The following KALRN variants were observed in gnomAD, a reference collection of about 807,000 sequenced individuals.
KALRN encodes kalirin.
Under a neutral mutation model 353.7 loss-of-function variants are expected in KALRN, and 70 were observed. The ratio of observed to expected loss-of-function variants is 0.20; its 90% CI spans 0.16 to 0.24. The LOEUF (loss-of-function observed/expected upper bound fraction) is 0.24, where lower values mean the gene tolerates loss of function less well. KALRN is among the 10% of genes least tolerant of loss of function. The pLI, the probability that KALRN is intolerant of heterozygous loss-of-function variation, is 1.00. For missense variants in KALRN, 2,791 were observed against 3,756.7 expected (o/e 0.74, Z 6.72); for synonymous variants, 1,391 against 1,434.8 (o/e 0.97, Z 0.69).
chr3:124,327,031 C>T (rs1281888758), intron 7 of KALRN, among the ~76,000 whole-genome samples: 2 of 152,118 alleles, frequency 1.3e-5, no homozygotes, highest in Non-Finnish European at 2.9e-5. Flanking sequence ...TTCCCAACTC[C>T]ATGTTGGTGA....
chr3:124,688,100 C>A (rs2061643888), intron 51 of KALRN, among the ~76,000 whole-genome samples: 1 of 152,028 alleles, frequency 6.6e-6, no homozygotes, highest in Non-Finnish European at 1.5e-5. Context: ...TTACTTGAGG[C>A]CCAGAGTTCA....
Position 124,632,460 on chromosome 3 carries a change from C to T in KALRN, c.5223C>T (p.Ser1741=), listed in dbSNP as rs552013627. ...CCTCAAGCGAGAATGGAGGCAAGTC[C>T]GAGTCCGTGGCCAACCTGCAGGCCC... ...SHSSSENGGK[S]ESVANLQAQP... Residue 1741 remains serine, a synonymous_variant, in exon 35 of 60, where the codon TCC becomes TCT. Transcript: ENST00000682506. 87 of 1,613,858 alleles carry T rather than the reference C, an allele frequency of 5.4e-5. No homozygotes were observed. The highest frequency in any genetic ancestry group is 2.5e-4 in the South Asian group (23 of 91,074).
rs149110687 is a variant in KALRN at position 124,714,594 on chromosome 3, T to C, written c.8276+1459T>C. ...GGGATTAAGTTAGATGAACAGTGGG[T>C]TGAACTAGTTTAGCAAACGTTTACT... is the stretch of plus-strand genomic sequence containing the variant. On this transcript the variant is annotated intron_variant, in intron 58 of 59. Transcript: ENST00000682506. Among the ~76,000 whole-genome samples the C allele has an allele frequency of 1.9e-3, 283 of 152,274 alleles. 3 individuals carry two copies. The highest frequency in any genetic ancestry group is 6.8e-3 in the African/African-American group (282 of 41,548).
At chr3:124,286,085 T>TTCTTTCTTTCTTTC (rs2075822305) in intron 5 of KALRN, among the ~76,000 whole-genome samples, 1 of 121,928 alleles carries the variant, frequency 8.2e-6, no homozygotes, top group African/African-American at 3.4e-5. Flanking sequence ...TTTCCTTCCT[T>TTCTTTCTTTCTTTC]TCTTTCTTTC....
chr3:124,628,503 TTCCCTTCCTTCCCTTCCTTTCC>T (rs1454089706), intron 34 of KALRN, among the ~76,000 whole-genome samples: 3 of 53,608 alleles, frequency 5.6e-5, no homozygotes, highest in East Asian at 1.9e-3. Flanking sequence ...CTTCCCTTCC[TTCCCTTCCTTCCCTTCCTTTCC>T]TTCCTTCCTT....
intron 14 of KALRN, among the ~76,000 whole-genome samples, chr3:124,418,307 A>G (rs1265507961): frequency 2.6e-5 from 4 of 152,200 alleles, no homozygotes; most frequent in Admixed American, 6.5e-5. Context: ...TAAAAATACC[A>G]ATGTCTGGGC....
intron 1 of KALRN, among the ~76,000 whole-genome samples, chr3:124,218,342 G>T (rs1346689969): frequency 6.6e-6 from 1 of 152,192 alleles, no homozygotes; most frequent in African/African-American, 2.4e-5. Context: ...GTCCCAAGGA[G>T]CAAAGCTTTT....
chr3:124,310,829 C>A (rs1300262107), intron 6 of KALRN, among the ~76,000 whole-genome samples: 4 of 151,970 alleles, frequency 2.6e-5, no homozygotes, highest in Non-Finnish European at 5.9e-5. Context: ...AAAAGAAAAA[C>A]CACAAAATGG....
At chr3:124,566,201 C>T (rs7633134) in intron 34 of KALRN, among the ~76,000 whole-genome samples, 56,918 of 152,028 alleles carry the variant, frequency 0.37, 11,277 homozygotes, top group African/African-American at 0.51. Context: ...CGACTCCCAA[C>T]AGTCAAGGAC....
rs1707585019 is a variant in KALRN at position 124,722,635 on chromosome 3, T to C, written c.*3165T>C. ...TCCTGGGGAATGTACTTTAGGTTGC[T>C]CTGAGGGCAACCGTGCTTAGGGAAA... On this transcript the variant is annotated 3_prime_UTR_variant, in exon 60 of 60. Coordinates refer to ENST00000682506, the MANE Select transcript of KALRN (RefSeq NM_001388419.1). The C allele has an allele frequency of 6.6e-6, 1 of 152,184 alleles. No homozygotes were observed. Among genetic ancestry groups the C allele is most frequent in the South Asian group, 2.1e-4 (1 of 4,826 alleles). The allele number at this position is 152,184 out of a possible 1,614,324, so 9.4% of individuals were successfully genotyped here. A position where few individuals can be genotyped will look rare whatever the true frequency, so the allele number is the denominator to read the frequency against.
At chr3:124,202,623 C>G (rs1190306982) in intron 1 of KALRN, among the ~76,000 whole-genome samples, 1 of 152,098 alleles carries the variant, frequency 6.6e-6, no homozygotes, top group African/African-American at 2.4e-5. Flanking sequence ...TCCTCCTGGT[C>G]TCTTTTCCTT....
chr3:124,351,976 A>T (rs2082877522), intron 10 of KALRN, among the ~76,000 whole-genome samples: 1 of 152,194 alleles, frequency 6.6e-6, no homozygotes, highest in Non-Finnish European at 1.5e-5. Flanking sequence ...ATTCAGAGTG[A>T]AGGCCCAGGA....
At chr3:124,447,598 G>A (rs1169131101) in intron 21 of KALRN, among the ~76,000 whole-genome samples, 1 of 152,162 alleles carries the variant, frequency 6.6e-6, no homozygotes, top group Admixed American at 6.5e-5. Context: ...TGCCACACAG[G>A]AGGCTTTTTT....
In KALRN at chr3:124,275,513, T is replaced by TA. The variant is rs1460283724; in HGVS notation, c.969+6266dup. On this transcript the variant is annotated intron_variant, in intron 5 of 59. Coordinates refer to ENST00000682506, the MANE Select transcript of KALRN (RefSeq NM_001388419.1). ...TTGAGGTTTTGTTTGTTTGTTTGCT[T>TA]AAAAAAAAGACAAACTTCTTCGCAG... is the stretch of plus-strand genomic sequence containing the variant. 3.3e-5 allele frequency among the ~76,000 whole-genome samples: 5 copies of TA among 152,134 alleles called. No individual in the cohort carries two copies. The South Asian group carries it at 1.0e-3, about 32-fold the overall frequency.
At chr3:124,231,112 T>C (rs1450549126) in intron 2 of KALRN, among the ~76,000 whole-genome samples, 1 of 152,214 alleles carries the variant, frequency 6.6e-6, no homozygotes, top group Non-Finnish European at 1.5e-5. Context: ...AAAGCCATGC[T>C]GCCATGGGAA....
intron 18 of KALRN, 84 bp downstream of exon 18, chr3:124,439,121 T>TTCTTTCTCTTTCTCTC (rs1483120901): frequency 1.3e-4 from 182 of 1,354,400 alleles, no homozygotes; most frequent in Admixed American, 4.5e-4. Context: ...TCTCTTTTCT[T>TTCTTTCTCTTTCTCTC]TCTTTCTCTT....
At chr3:124,381,288 T>C (rs563105485) in intron 10 of KALRN, among the ~76,000 whole-genome samples, 1 of 152,308 alleles carries the variant, frequency 6.6e-6, no homozygotes, top group African/African-American at 2.4e-5. Context: ...AGAGGCAAGA[T>C]TCAGTGCAGT....
intron 21 of KALRN, among the ~76,000 whole-genome samples, chr3:124,452,491 A>G (rs2058886576): frequency 6.6e-6 from 1 of 152,228 alleles, no homozygotes; most frequent in Non-Finnish European, 1.5e-5. Flanking sequence ...CTGTGGGAAC[A>G]CTGGGAAGGC....
intron 34 of KALRN, among the ~76,000 whole-genome samples, chr3:124,594,478 C>A (rs2076090117): frequency 6.6e-6 from 1 of 152,346 alleles, no homozygotes; most frequent in Admixed American, 6.5e-5. Flanking sequence ...CCTGCCTTGG[C>A]CTCCCAAAGT....
Sources: gnomAD v4.1 joint callset for allele counts (sites outside exome capture counted in the v4.1 genomes callset) on GRCh38, gnomAD v4.1.1 for gene constraint, MANE v1.5 for transcripts, NCBI Gene and HGNC (gene_info 2026-07-23, HGNC 2026-07-21) for gene names.